CCDC180: variants seen among roughly 807,000 people sequenced by gnomAD.
The protein encoded by CCDC180 is coiled-coil domain containing 180, also known as coiled-coil domain-containing protein 180.
A neutral mutation model predicts 209.2 loss-of-function variants in CCDC180; 154 were observed. The observed-to-expected ratio is 0.74, with a 90% CI of 0.65 to 0.84. The LOEUF (loss-of-function observed/expected upper bound fraction) is 0.84, where lower values mean the gene tolerates loss of function less well. CCDC180 is among the 40% of genes least tolerant of loss of function. The pLI, the probability that CCDC180 is intolerant of heterozygous loss-of-function variation, is 0.00. For synonymous variants in CCDC180, 778 were observed against 749.1 expected (o/e 1.04, Z -0.63); for missense variants, 1,874 against 1,997.3 (o/e 0.94, Z 1.18).
intron 8 of CCDC180, among the ~76,000 whole-genome samples, chr9:97,315,181 A>C (rs552788828): frequency 1.1e-4 from 17 of 152,230 alleles, no homozygotes; most frequent in Non-Finnish European, 2.2e-4. Flanking sequence ...TATTTCCCTG[A>C]CATCTTGAAC....
chr9:97,312,170 C>CCGAGAAGTG lies in CCDC180; in HGVS notation c.321_329dup (p.Glu108_Arg110dup). ...GAGAGAGTGAGAACACCATCGCTGC[C>CCGAGAAGTG]CGAGAAGTGCGGGGTCTCATGGATA... On this transcript the variant is annotated inframe_insertion, in exon 4 of 37. Transcript: ENST00000529487. 1 of 1,614,048 alleles carries CCGAGAAGTG rather than the reference C, an allele frequency of 6.2e-7. No individual in the cohort carries two copies. The highest frequency in any genetic ancestry group is 8.5e-7 in the Non-Finnish European group (1 of 1,179,962).
intron 14 of CCDC180, among the ~76,000 whole-genome samples, chr9:97,326,027 A>C (rs1833521061): frequency 6.6e-6 from 1 of 152,274 alleles, no homozygotes; most frequent in Admixed American, 6.5e-5. Context: ...AAAAAGGGGA[A>C]GACACTCCAA....
At chr9:97,338,488 A>T (rs567997485) in intron 18 of CCDC180, among the ~76,000 whole-genome samples, 1 of 152,138 alleles carries the variant, frequency 6.6e-6, no homozygotes, top group Admixed American at 6.5e-5. Flanking sequence ...GAGTTTCTTA[A>T]TCCTGAGTTC....
intron 18 of CCDC180, among the ~76,000 whole-genome samples, chr9:97,335,302 G>A (rs1476655931): frequency 6.6e-6 from 1 of 151,954 alleles, no homozygotes; most frequent in Non-Finnish European, 1.5e-5. Flanking sequence ...TACACCAGGT[G>A]TTTCTCCTAA....
chr9:97,320,294 G>A lies in CCDC180; in HGVS notation c.1159+89G>A, dbSNP rs184361827. 203 of 1,193,442 alleles carry A rather than the reference G, an allele frequency of 1.7e-4. 1 individual carries two copies. The highest frequency in any genetic ancestry group is 1.7e-3 in the Middle Eastern group (8 of 4,740). 73.9% of individuals were successfully genotyped at this position (1,193,442 alleles called of 1,614,324 possible). ...GAAGCTCAGCCAAATGAGTGGCGCC[G>A]CCATCATGGGGAGGAGGGATGGGGG... On this transcript the variant is annotated intron_variant, in intron 11 of 36. Transcript: ENST00000529487.
chr9:97,329,028 G>A (rs546064121), intron 16 of CCDC180, among the ~76,000 whole-genome samples: 7 of 152,276 alleles, frequency 4.6e-5, no homozygotes, highest in African/African-American at 1.4e-4. Flanking sequence ...TGCCTGGCCT[G>A]AATGGAAATA....
chr9:97,369,177 T>C (rs2117964478), intron 31 of CCDC180: 1 of 152,004 alleles, frequency 6.6e-6, no homozygotes, highest in South Asian at 2.1e-4. Flanking sequence ...AACCAGAATA[T>C]AACACAGAAA....
At chr9:97,334,917 C>A (rs552277934) in intron 18 of CCDC180, among the ~76,000 whole-genome samples, 1 of 152,312 alleles carries the variant, frequency 6.6e-6, no homozygotes, top group East Asian at 1.9e-4. Flanking sequence ...ATGCACACTT[C>A]TCTCAGAGAG....
chr9:97,370,494 C>G (rs1316668913), intron 32 of CCDC180, 147 bp from the exon 33 acceptor site: 3 of 889,774 alleles, frequency 3.4e-6, no homozygotes, highest in African/African-American at 3.3e-5. Context: ...CTCTTAACCC[C>G]TCTGCCACTC....
chr9:97,325,169 C>G lies in CCDC180; in HGVS notation c.1522C>G (p.Gln508Glu). The G allele has an allele frequency of 1.9e-6, 3 of 1,603,082 alleles. No individual in the cohort carries two copies. The highest frequency in any genetic ancestry group is 2.6e-6 in the Non-Finnish European group (3 of 1,174,746). ...GGAGAAGAGGATGGAGCAGCACCGG[C>G]AGAAGCACAGCCTGGAGAGCCAGGT... Reference protein sequence around the residue: ...ELEKRMEQHRQKHSLESQVQE... With the variant: ...ELEKRMEQHREKHSLESQVQE... Residue 508 changes from glutamine to glutamate, a missense_variant, in exon 14 of 37, where the codon CAG (glutamine) becomes GAG (glutamate). By Grantham distance (29) the Gln-to-Glu change is conservative. Transcript: ENST00000529487.
At chr9:97,350,598 CT>C (rs1222804295) in intron 22 of CCDC180, 43 bp downstream of exon 22, 31 of 1,530,604 alleles carry the variant, frequency 2.0e-5, no homozygotes, top group Non-Finnish European at 2.7e-5. Context: ...ACCTGAGTTT[CT>C]CTATTGGGAT....
intron 2 of CCDC180, among the ~76,000 whole-genome samples, chr9:97,308,552 C>T (rs891493719): frequency 3.9e-5 from 6 of 152,196 alleles, no homozygotes; most frequent in African/African-American, 1.4e-4. Context: ...CCATACTGAG[C>T]AGCTCCCCAC....
intron 20 of CCDC180, among the ~76,000 whole-genome samples, chr9:97,348,873 G>T (rs1826346609): frequency 6.6e-6 from 1 of 152,182 alleles, no homozygotes; most frequent in African/African-American, 2.4e-5. Context: ...TCCTGGCTGT[G>T]TTCCCTCTGC....
At chr9:97,322,977 C>T in intron 12 of CCDC180, 56 bp downstream of exon 12, 2 of 1,423,792 alleles carry the variant, frequency 1.4e-6, no homozygotes, top group Non-Finnish European at 2.0e-6. Flanking sequence ...ACCTGAAGTG[C>T]CTTCCCTGGC....
chr9:97,356,153 G>A (rs149281504), intron 24 of CCDC180, among the ~76,000 whole-genome samples: 20 of 152,296 alleles, frequency 1.3e-4, no homozygotes, highest in Non-Finnish European at 2.2e-4. Context: ...CTGAGTGGAA[G>A]TGGGATGGGA....
chr9:97,326,872 G>A (rs1205831906), intron 15 of CCDC180, among the ~76,000 whole-genome samples: 1 of 152,170 alleles, frequency 6.6e-6, no homozygotes, highest in East Asian at 1.9e-4. Context: ...AGTTTTTGGA[G>A]GGAGGTTTCA....
chr9:97,364,323 C>T lies in CCDC180; in HGVS notation c.3980+195C>T. 5.7e-6 allele frequency: 3 copies of T among 528,942 alleles called. 1 individual carries two copies. The highest frequency in any genetic ancestry group is 2.5e-5 in the South Asian group (1 of 39,774). 32.8% of individuals were successfully genotyped at this position (528,942 alleles called of 1,614,324 possible). ...ACCTAAATTTGTTGAGAAACATTTT[C>T]ATCAACATTTCACATTTTCCAAGCT... On this transcript the variant is annotated intron_variant, in intron 29 of 36. Transcript: ENST00000529487.
intron 31 of CCDC180, among the ~76,000 whole-genome samples, chr9:97,367,499 C>T (rs1373300742): frequency 6.6e-6 from 1 of 150,512 alleles, no homozygotes; most frequent in African/African-American, 2.4e-5. Flanking sequence ...CAGAGTCTCA[C>T]TCTGTTGCCC....
At chr9:97,311,009 GA>G (rs1484955927) in intron 3 of CCDC180, among the ~76,000 whole-genome samples, 7 of 152,314 alleles carry the variant, frequency 4.6e-5, no homozygotes, top group Admixed American at 4.6e-4. Flanking sequence ...CTGAACACAT[GA>G]GTGGCAGAGC....
Sources: allele counts gnomAD v4.1 joint callset (sites outside exome capture counted in the v4.1 genomes callset), GRCh38; gene constraint gnomAD v4.1.1; transcripts MANE v1.5; gene names NCBI Gene and HGNC (gene_info 2026-07-23, HGNC 2026-07-21).